The following DAB1 variants were observed in gnomAD, a reference collection of about 807,000 sequenced individuals.
DAB1 encodes disabled homolog 1.
Under a neutral mutation model 64.6 loss-of-function variants are expected in DAB1, and 15 were observed. The ratio of observed to expected loss-of-function variants is 0.23; its 90% CI spans 0.16 to 0.36. The LOEUF (loss-of-function observed/expected upper bound fraction) is 0.36, where lower values mean the gene tolerates loss of function less well. DAB1 is among the 10% of genes least tolerant of loss of function. DAB1 has a pLI of 1.00. For missense variants in DAB1, 596 were observed against 706.7 expected (o/e 0.84, Z 1.78); for synonymous variants, 235 against 251.9 (o/e 0.93, Z 0.64).
At chr1:58,507,644 C>T (rs962191938) in intron 2 of DAB1, among the ~76,000 whole-genome samples, 3 of 151,768 alleles carry the variant, frequency 2.0e-5, no homozygotes, top group African/African-American at 7.3e-5. Context: ...AAATATTATT[C>T]ATGTTTATAC....
chr1:58,148,387 T>G (rs1325932653), intron 5 of DAB1, among the ~76,000 whole-genome samples: 1 of 152,216 alleles, frequency 6.6e-6, no homozygotes, highest in Admixed American at 6.5e-5. Flanking sequence ...CCCACTGTCT[T>G]AGAATATATT....
intron 5 of DAB1, among the ~76,000 whole-genome samples, chr1:58,145,515 G>A (rs1319932734): frequency 6.6e-6 from 1 of 152,208 alleles, no homozygotes; most frequent in Non-Finnish European, 1.5e-5. Context: ...ATAACTGATG[G>A]TAGTGGTGGT....
intron 1 of DAB1, chr1:58,539,418 A>C: frequency 4.8e-6 from 3 of 627,722 alleles, no homozygotes; most frequent in Non-Finnish European, 5.5e-6. Context: ...AACACATCTC[A>C]GGCTAAATTA....
intron 4 of DAB1, among the ~76,000 whole-genome samples, chr1:57,101,365 C>A (rs536162017): frequency 1.3e-5 from 2 of 152,328 alleles, no homozygotes; most frequent in Non-Finnish European, 2.9e-5. Flanking sequence ...TAATTAGTCA[C>A]CCTTTGTTGA....
intron 7 of DAB1, among the ~76,000 whole-genome samples, chr1:57,503,645 T>C (rs557133318): frequency 6.6e-6 from 1 of 152,372 alleles, no homozygotes; most frequent in Admixed American, 6.5e-5. Flanking sequence ...TGCCGGGCAA[T>C]ATTTCACTGC....
intron 9 of DAB1, among the ~76,000 whole-genome samples, chr1:57,052,892 C>T (rs1649331324): frequency 6.6e-6 from 1 of 152,118 alleles, no homozygotes; most frequent in Non-Finnish European, 1.5e-5. Context: ...TATATTTAGC[C>T]CAGATGTTCA....
chr1:57,688,313 A>C (rs575398051), intron 6 of DAB1, among the ~76,000 whole-genome samples: 44 of 152,330 alleles, frequency 2.9e-4, no homozygotes, highest in African/African-American at 1.0e-3. Context: ...ATTTTAAAAA[A>C]ATGCTCATCA....
intron 12 of DAB1, 50 bp downstream of exon 12, chr1:57,014,833 A>T (rs531106728): frequency 2.1e-4 from 308 of 1,468,676 alleles, no homozygotes; most frequent in Non-Finnish European, 2.7e-4. Context: ...GCCTCCAGAC[A>T]TGAGTTACGG....
At chr1:58,489,222 G>A (rs1490655961) in intron 3 of DAB1, among the ~76,000 whole-genome samples, 1 of 152,210 alleles carries the variant, frequency 6.6e-6, no homozygotes, top group Non-Finnish European at 1.5e-5. Context: ...ACGGCACCTG[G>A]AAAATTGGGT....
intron 6 of DAB1, among the ~76,000 whole-genome samples, chr1:57,763,868 A>G (rs1351960580): frequency 2.0e-5 from 3 of 152,160 alleles, no homozygotes; most frequent in African/African-American, 7.2e-5. Flanking sequence ...TTGTTTCCAT[A>G]AAGTCCTGAG....
intron 1 of DAB1, among the ~76,000 whole-genome samples, chr1:57,346,754 A>G (rs1294413450): frequency 1.3e-5 from 2 of 152,196 alleles, no homozygotes; most frequent in Non-Finnish European, 2.9e-5. Flanking sequence ...ACAGCAGTGT[A>G]CATGAACTGA....
At chr1:57,731,506 G>T (rs189415143) in intron 6 of DAB1, among the ~76,000 whole-genome samples, 1 of 152,092 alleles carries the variant, frequency 6.6e-6, no homozygotes, top group Non-Finnish European at 1.5e-5. Context: ...TGAAAAAAAA[G>T]AATTAATAAT....
At chr1:58,078,177 T>C (rs1649770453) in intron 5 of DAB1, 1 of 152,244 alleles carries the variant, frequency 6.6e-6, no homozygotes, top group African/African-American at 2.4e-5. Flanking sequence ...CTTTCAGGAT[T>C]TGGAGAGATA....
At chr1:57,756,862 A>G (rs1420042816) in intron 6 of DAB1, among the ~76,000 whole-genome samples, 1 of 152,146 alleles carries the variant, frequency 6.6e-6, no homozygotes, top group Non-Finnish European at 1.5e-5. Flanking sequence ...TTTCCCTACC[A>G]TATGTAAGGG....
At chr1:57,020,280 G>A (rs753874927) in intron 11 of DAB1, among the ~76,000 whole-genome samples, 1 of 152,160 alleles carries the variant, frequency 6.6e-6, no homozygotes, top group Non-Finnish European at 1.5e-5. Context: ...CAGATCCAAG[G>A]CTCCTGAAGA....
intron 5 of DAB1, among the ~76,000 whole-genome samples, chr1:58,117,856 A>AT (rs893328910): frequency 2.7e-5 from 4 of 148,258 alleles, no homozygotes; most frequent in South Asian, 2.1e-4. Context: ...TTTTTTTTAT[A>AT]TTTTTTTTAA....
intron 2 of DAB1, among the ~76,000 whole-genome samples, chr1:57,290,730 C>T (rs1672711429): frequency 6.6e-6 from 1 of 152,050 alleles, no homozygotes; most frequent in Non-Finnish European, 1.5e-5. Context: ...AAAGATACTC[C>T]TTTATATCAT....
chr1:58,176,840 A>C (rs496504), intron 4 of DAB1, among the ~76,000 whole-genome samples: 1 of 151,910 alleles, frequency 6.6e-6, no homozygotes, highest in African/African-American at 2.4e-5. Flanking sequence ...TTAGCCAGGC[A>C]TGGTGGTGGG....
At chr1:57,147,894 A>C (rs1659299303) in intron 2 of DAB1, among the ~76,000 whole-genome samples, 1 of 152,234 alleles carries the variant, frequency 6.6e-6, no homozygotes, top group South Asian at 2.1e-4. Context: ...TACTGAGTAG[A>C]ACCTGAACTT....
Sources: gnomAD v4.1 joint callset for allele counts (sites outside exome capture counted in the v4.1 genomes callset) on GRCh38, gnomAD v4.1.1 for gene constraint, MANE v1.5 for transcripts, NCBI Gene and HGNC (gene_info 2026-07-23, HGNC 2026-07-21) for gene names.